The following PRKG1 variants were observed in gnomAD, a reference collection of about 807,000 sequenced individuals.
PRKG1 encodes the protein cGMP-dependent protein kinase 1.
A neutral mutation model predicts 88.1 loss-of-function variants in PRKG1; 35 were observed. That is an observed-to-expected ratio of 0.40 (90% CI 0.30 to 0.53). The LOEUF is 0.53. PRKG1 is among the 20% of genes least tolerant of loss of function. The pLI is 0.59. For missense variants in PRKG1, 540 were observed against 839.8 expected (o/e 0.64, Z 4.41); for synonymous variants, 303 against 292.5 (o/e 1.04, Z -0.37).
At chr10:51,126,027 TA>T (rs1290099359) in intron 1 of PRKG1, among the ~76,000 whole-genome samples, 34 of 124,674 alleles carry the variant, frequency 2.7e-4, no homozygotes, top group African/African-American at 9.6e-4. Context: ...TATTTATATA[TA>T]ATTATATCTA....
chr10:51,588,815 A>T (rs1397198359), intron 3 of PRKG1, among the ~76,000 whole-genome samples: 1 of 152,176 alleles, frequency 6.6e-6, no homozygotes, highest in Non-Finnish European at 1.5e-5. Context: ...ATATAGCTTG[A>T]GCTTTCCATC....
At chr10:51,998,263 C>T (rs1405877093) in intron 5 of PRKG1, among the ~76,000 whole-genome samples, 1 of 151,676 alleles carries the variant, frequency 6.6e-6, no homozygotes, top group Non-Finnish European at 1.5e-5. Context: ...TACAAAATTC[C>T]CTCTCATTGG....
intron 3 of PRKG1, among the ~76,000 whole-genome samples, chr10:51,665,873 T>C (rs530691532): frequency 6.6e-6 from 1 of 152,098 alleles, no homozygotes; most frequent in South Asian, 2.1e-4. Context: ...AATTATAGGT[T>C]GATTGCTAAA....
intron 7 of PRKG1, among the ~76,000 whole-genome samples, chr10:52,101,361 A>ATT (rs5784904): frequency 6.6e-6 from 1 of 151,838 alleles, no homozygotes; most frequent in Non-Finnish European, 1.5e-5. Flanking sequence ...CACATTATAT[A>ATT]TTTTTTGTGA....
At chr10:51,330,614 T>C (rs982571818) in intron 2 of PRKG1, among the ~76,000 whole-genome samples, 1 of 152,242 alleles carries the variant, frequency 6.6e-6, no homozygotes, top group Non-Finnish European at 1.5e-5. Context: ...TCTTTTCTAC[T>C]GTCAATGACC....
intron 9 of PRKG1, among the ~76,000 whole-genome samples, chr10:52,202,741 CTCAT>C (rs755749676): frequency 2.0e-5 from 3 of 151,870 alleles, no homozygotes; most frequent in Non-Finnish European, 4.4e-5. Flanking sequence ...CGGTATCTTC[CTCAT>C]TCAATCTTGA....
intron 7 of PRKG1, among the ~76,000 whole-genome samples, chr10:52,074,603 C>T (rs1846585303): frequency 6.6e-6 from 1 of 152,156 alleles, no homozygotes; most frequent in African/African-American, 2.4e-5. Flanking sequence ...CTAATGAACT[C>T]AGCCGGTGTT....
intron 2 of PRKG1, among the ~76,000 whole-genome samples, chr10:51,155,676 A>G (rs1324406171): frequency 1.3e-5 from 2 of 151,978 alleles, no homozygotes; most frequent in African/African-American, 4.8e-5. Context: ...GTGATTGTGG[A>G]GGCTGGCAAG....
intron 3 of PRKG1, among the ~76,000 whole-genome samples, chr10:51,730,860 T>C (rs1842254327): frequency 6.6e-6 from 1 of 152,130 alleles, no homozygotes; most frequent in South Asian, 2.1e-4. Context: ...TATTTCAACT[T>C]ACAAAAACCT....
At chr10:52,098,304 A>G (rs1847219607) in intron 7 of PRKG1, among the ~76,000 whole-genome samples, 1 of 152,198 alleles carries the variant, frequency 6.6e-6, no homozygotes, top group Non-Finnish European at 1.5e-5. Context: ...ATTTATCATG[A>G]ATCCTGAGTA....
intron 9 of PRKG1, among the ~76,000 whole-genome samples, chr10:52,244,461 A>T (rs1390066958): frequency 6.6e-6 from 1 of 151,640 alleles, no homozygotes; most frequent in Non-Finnish European, 1.5e-5. Context: ...AGCTTATTTA[A>T]TTTCAAGCAT....
rs1015520369 is a variant in PRKG1 at position 51,013,338 on chromosome 10, CTA to C, written c.266+21696_266+21697del. ...TTACTACCACCACTAGACTTGCAGACTATGTTAAAAAGAAGGCAAAGCCATTG... is the reference window on the plus strand; with the variant it reads ...TTACTACCACCACTAGACTTGCAGACTGTTAAAAAGAAGGCAAAGCCATTG... On this transcript the variant is annotated intron_variant, in intron 1 of 17. Transcript: ENST00000401604. 1.0e-3 allele frequency among the ~76,000 whole-genome samples: 156 copies of C among 152,162 alleles called. 2 individuals are homozygous for C. The highest frequency in any genetic ancestry group is 2.4e-4 in the Non-Finnish European group (16 of 68,024).
At chr10:51,551,917 T>C (rs1200657225) in intron 3 of PRKG1, among the ~76,000 whole-genome samples, 1 of 151,740 alleles carries the variant, frequency 6.6e-6, no homozygotes, top group East Asian at 1.9e-4. Context: ...TTATACATTT[T>C]ATTCTTCCCT....
chr10:51,612,593 T>A (rs2132247177), intron 3 of PRKG1, among the ~76,000 whole-genome samples: 1 of 152,170 alleles, frequency 6.6e-6, no homozygotes, highest in South Asian at 2.1e-4. Context: ...GACTTTCTCC[T>A]TTCCAATGTG....
intron 3 of PRKG1, among the ~76,000 whole-genome samples, chr10:51,648,351 AT>A (rs1381440983): frequency 6.6e-6 from 1 of 152,232 alleles, no homozygotes; most frequent in Non-Finnish European, 1.5e-5. Flanking sequence ...TGAACAGACT[AT>A]TAATTCTTAA....
intron 2 of PRKG1, among the ~76,000 whole-genome samples, chr10:51,384,378 T>C (rs1212887716): frequency 1.3e-5 from 2 of 152,182 alleles, no homozygotes; most frequent in East Asian, 1.9e-4. Context: ...TCAGTGCTTA[T>C]GGCAGAGGCT....
rs201147665 is a variant in PRKG1 at position 52,271,405 on chromosome 10, G to A, written c.1229G>A (p.Arg410His). Reference protein sequence around the residue: ...KTFAMKILKKRHIVDTRQQEH... With the variant: ...KTFAMKILKKHHIVDTRQQEH... ...TTTGCAATGAAGATTCTCAAGAAAC[G>A]TCACATTGTGGACACAAGACAGCAG... The change falls in exon 11 of 18, where the codon CGT becomes CAT. Residue 410 changes from arginine to histidine, a missense_variant. Physicochemically the swap from Arg to His is conservative, Grantham distance 29. This residue lies in a region of PRKG1 where 400 missense variants were observed against 562.7 expected (regional missense o/e 0.71). Coordinates refer to ENST00000373980, the MANE Select transcript of PRKG1 (RefSeq NM_006258.4). 57 of 1,612,748 alleles carry A rather than the reference G, an allele frequency of 3.5e-5. No individual in the cohort carries two copies. The highest frequency in any genetic ancestry group is 6.6e-5 in the South Asian group (6 of 91,042).
At chr10:52,037,258 G>A (rs1450820272) in intron 5 of PRKG1, among the ~76,000 whole-genome samples, 2 of 145,826 alleles carry the variant, frequency 1.4e-5, no homozygotes, top group Non-Finnish European at 3.0e-5. Flanking sequence ...TTCTGGAGGA[G>A]CCTGGCCGCT....
intron 4 of PRKG1, among the ~76,000 whole-genome samples, chr10:51,878,017 C>T (rs1841341084): frequency 6.6e-6 from 1 of 151,960 alleles, no homozygotes; most frequent in African/African-American, 2.4e-5. Flanking sequence ...ATAAATTGTC[C>T]TAGAAATATG....
Sources: allele counts gnomAD v4.1 joint callset (sites outside exome capture counted in the v4.1 genomes callset), GRCh38; gene constraint gnomAD v4.1.1; regional missense constraint gnomAD v4.1.1; transcripts MANE v1.5; gene names NCBI Gene and HGNC (gene_info 2026-07-23, HGNC 2026-07-21).